Variants in ADORA2B observed in about 807,000 individuals in gnomAD.
ADORA2B encodes the protein adenosine receptor A2b.
Under a neutral mutation model 20.8 loss-of-function variants are expected in ADORA2B, and 18 were observed. The ratio of observed to expected loss-of-function variants is 0.87; its 90% CI spans 0.60 to 1.29. The LOEUF (loss-of-function observed/expected upper bound fraction) is 1.29, where lower values mean the gene tolerates loss of function less well. Ranked by LOEUF, ADORA2B falls within the 50% of genes most tolerant of loss-of-function variation. The pLI, the probability that ADORA2B is intolerant of heterozygous loss-of-function variation, is 0.00. For missense variants in ADORA2B, 441 were observed against 422.7 expected (o/e 1.04, Z -0.38); for synonymous variants, 179 against 178.3 (o/e 1.00, Z -0.03).
At chr17:15,972,763 G>GT (rs938156984) in intron 1 of ADORA2B, among the ~76,000 whole-genome samples, 3 of 151,970 alleles carry the variant, frequency 2.0e-5, no homozygotes, top group African/African-American at 7.3e-5. Flanking sequence ...TTTGTTGTTT[G>GT]TTTTTTTGAG....
the ADORA2B span, among the ~76,000 whole-genome samples, chr17:15,913,796 A>G: frequency 6.6e-6 from 1 of 152,218 alleles, no homozygotes; most frequent in African/African-American, 2.4e-5. Flanking sequence ...CTGGGTTACT[A>G]TTTATATCAC....
chr17:15,953,208 G>A (rs994889979), intron 1 of ADORA2B, among the ~76,000 whole-genome samples: 3 of 152,226 alleles, frequency 2.0e-5, no homozygotes, highest in African/African-American at 7.2e-5. Context: ...GGGCTGTGGT[G>A]GGGGACGGGC....
the ADORA2B span, among the ~76,000 whole-genome samples, chr17:15,862,935 G>A: frequency 6.6e-6 from 1 of 151,700 alleles, no homozygotes; most frequent in Non-Finnish European, 1.5e-5. Context: ...ACTAATAAGG[G>A]TACTATCAAA....
At chr17:15,857,939 T>TAAG in the ADORA2B span, among the ~76,000 whole-genome samples, 1 of 149,108 alleles carries the variant, frequency 6.7e-6, no homozygotes, top group Non-Finnish European at 1.5e-5. Context: ...TATGGGTGAA[T>TAAG]ATCTCCATTT....
the ADORA2B span, among the ~76,000 whole-genome samples, chr17:15,909,060 C>T: frequency 1.3e-5 from 2 of 151,982 alleles, no homozygotes; most frequent in Admixed American, 1.3e-4. Flanking sequence ...TGTGGTAGCG[C>T]TCACACCTAT....
At chr17:15,952,514 C>T (rs1316753868) in intron 1 of ADORA2B, among the ~76,000 whole-genome samples, 1 of 152,158 alleles carries the variant, frequency 6.6e-6, no homozygotes, top group Non-Finnish European at 1.5e-5. Flanking sequence ...ATCATGTGAG[C>T]AGCTGGAGGG....
the ADORA2B span, among the ~76,000 whole-genome samples, chr17:15,891,089 A>C: frequency 6.6e-6 from 1 of 152,200 alleles, no homozygotes; most frequent in African/African-American, 2.4e-5. Flanking sequence ...CAACATGGTG[A>C]AACCCCATCT....
chr17:15,968,087 A>G (rs1343488588), intron 1 of ADORA2B, among the ~76,000 whole-genome samples: 8 of 152,208 alleles, frequency 5.3e-5, no homozygotes, highest in Non-Finnish European at 1.0e-4. Context: ...CAAGACAGAA[A>G]GACAGAGGAA....
At chr17:15,909,516 T>C in the ADORA2B span, among the ~76,000 whole-genome samples, 1 of 152,178 alleles carries the variant, frequency 6.6e-6, no homozygotes, top group Admixed American at 6.5e-5. Context: ...TCTGCCACCA[T>C]AGTCTGTGTG....
the ADORA2B span, among the ~76,000 whole-genome samples, chr17:15,932,162 A>G: frequency 2.0e-5 from 3 of 152,260 alleles, no homozygotes; most frequent in Admixed American, 6.5e-5. Flanking sequence ...CAGTGTATCT[A>G]ATTTTTTATC....
chr17:15,911,082 C>T, the ADORA2B span, among the ~76,000 whole-genome samples: 1 of 152,216 alleles, frequency 6.6e-6, no homozygotes, highest in Admixed American at 6.5e-5. Flanking sequence ...CTAAGTGGGG[C>T]AGGGATCTCC....
At chr17:15,908,192 G>GTCCTCCC in the ADORA2B span, among the ~76,000 whole-genome samples, 1 of 152,034 alleles carries the variant, frequency 6.6e-6, no homozygotes, top group Admixed American at 6.5e-5. Flanking sequence ...GGCTCAACCA[G>GTCCTCCC]TCCTCCCACC....
chr17:15,961,027 C>T (rs1458265510), intron 1 of ADORA2B, among the ~76,000 whole-genome samples: 4 of 150,866 alleles, frequency 2.7e-5, no homozygotes, highest in East Asian at 3.9e-4. Flanking sequence ...ATTAGCCAGG[C>T]GTGGTGGCGG....
At chr17:15,890,076 A>G in the ADORA2B span, among the ~76,000 whole-genome samples, 1 of 129,652 alleles carries the variant, frequency 7.7e-6, no homozygotes. Context: ...TTCATTTTCT[A>G]AAAAATACTT....
the ADORA2B span, among the ~76,000 whole-genome samples, chr17:15,896,144 T>A: frequency 1.3e-5 from 2 of 152,198 alleles, no homozygotes; most frequent in East Asian, 1.9e-4. Flanking sequence ...TTAGATTATG[T>A]TCTCAGATAC....
intron 1 of ADORA2B, among the ~76,000 whole-genome samples, chr17:15,971,038 A>C (rs540958665): frequency 1.3e-5 from 2 of 152,210 alleles, no homozygotes; most frequent in Non-Finnish European, 2.9e-5. Context: ...TCATGTATCC[A>C]CTAGACCAAT....
At chr17:15,925,447 C>T in the ADORA2B span, among the ~76,000 whole-genome samples, 2 of 152,074 alleles carry the variant, frequency 1.3e-5, no homozygotes, top group African/African-American at 4.8e-5. Context: ...CCGAGTCTAG[C>T]CTGAAAGTTT....
chr17:15,870,795 A>C, the ADORA2B span, among the ~76,000 whole-genome samples: 2 of 152,224 alleles, frequency 1.3e-5, no homozygotes. Context: ...GGCTACATGC[A>C]CAATTCAAAA....
chr17:15,936,177 C>T, the ADORA2B span, among the ~76,000 whole-genome samples: 2 of 152,116 alleles, frequency 1.3e-5, no homozygotes, highest in African/African-American at 4.8e-5. Flanking sequence ...AGCCACCACA[C>T]CTGGCCTGTT....
Sources: gnomAD v4.1 joint callset for allele counts (sites outside exome capture counted in the v4.1 genomes callset) on GRCh38, gnomAD v4.1.1 for gene constraint, MANE v1.5 for transcripts, NCBI Gene and HGNC (gene_info 2026-07-23, HGNC 2026-07-21) for gene names.